The following CSMD1 variants were observed in gnomAD, a reference collection of about 807,000 sequenced individuals.
CSMD1 encodes CUB and Sushi multiple domains 1.
A neutral mutation model predicts 417.5 loss-of-function variants in CSMD1; 213 were observed. The observed-to-expected ratio is 0.51, with a 90% CI of 0.46 to 0.57. The LOEUF (loss-of-function observed/expected upper bound fraction) is 0.57, where lower values mean the gene tolerates loss of function less well. Ranked by LOEUF, CSMD1 falls within the 20% of genes least tolerant of loss-of-function variation. The pLI is 0.00. For synonymous variants in CSMD1, 2,862 were observed against 1,736.8 expected (o/e 1.65, Z -16.11); for missense variants, 6,923 against 4,529.7 (o/e 1.53, Z -15.17).
At chr8:3,233,685 C>T (rs79409820) in intron 26 of CSMD1, among the ~76,000 whole-genome samples, 8,147 of 151,918 alleles carry the variant, frequency 0.054, 372 homozygotes, top group South Asian at 0.22. Context: ...AGTCTGAATC[C>T]GATAAGAATT....
chr8:3,286,761 C>T (rs566558698), intron 25 of CSMD1, among the ~76,000 whole-genome samples: 1 of 152,150 alleles, frequency 6.6e-6, no homozygotes, highest in Non-Finnish European at 1.5e-5. Context: ...AATTTTCTCC[C>T]ATTCTGTAGG....
At chr8:3,965,730 G>A (rs564695922) in intron 5 of CSMD1, among the ~76,000 whole-genome samples, 5 of 152,210 alleles carry the variant, frequency 3.3e-5, no homozygotes, top group Non-Finnish European at 7.4e-5. Context: ...AGATTCTCCT[G>A]CCTCAGCCTC....
In CSMD1 at chr8:3,199,728, T is replaced by C. The variant is rs757145623; in HGVS notation, c.5180A>G (p.His1727Arg). Residue 1727 changes from histidine to arginine, a missense_variant, in exon 33 of 70, where the codon CAC becomes CGC. His to Arg is a conservative substitution (Grantham distance 29, BLOSUM62 0). Transcript: ENST00000635120. ...GTGACGCTTACCTTGATACACGAAGTGGAAGCCGCGGGCAGAGGCACCGCT... is the reference window on the plus strand; with the variant it reads ...GTGACGCTTACCTTGATACACGAAGCGGAAGCCGCGGGCAGAGGCACCGCT... ...AKSGASARGF[H>R]FVYQAVPRTS... The C allele has an allele frequency of 1.0e-5, 16 of 1,586,120 alleles. No homozygotes were observed. Among genetic ancestry groups the C allele is most frequent in the Admixed American group, 1.8e-5 (1 of 56,122 alleles).
chr8:4,972,607 G>A (rs922765858), intron 1 of CSMD1, among the ~76,000 whole-genome samples: 1 of 152,088 alleles, frequency 6.6e-6, no homozygotes, highest in Non-Finnish European at 1.5e-5. Flanking sequence ...ACCTCAGGCA[G>A]TTCTTTATAG....
At chr8:3,809,400 G>T (rs1464580844) in intron 5 of CSMD1, among the ~76,000 whole-genome samples, 2 of 152,172 alleles carry the variant, frequency 1.3e-5, no homozygotes, top group African/African-American at 2.4e-5. Context: ...GAGAATTAGG[G>T]ACTGTAAACC....
chr8:4,001,908 T>C (rs1262993416), intron 4 of CSMD1, among the ~76,000 whole-genome samples: 1 of 151,986 alleles, frequency 6.6e-6, no homozygotes, highest in Non-Finnish European at 1.5e-5. Context: ...AAAAAAAAAT[T>C]CCCAAACCTT....
chr8:4,481,971 T>A (rs1363304223), intron 2 of CSMD1, among the ~76,000 whole-genome samples: 1 of 152,156 alleles, frequency 6.6e-6, no homozygotes. Context: ...TCTTAGCTGC[T>A]ATATTATATA....
In CSMD1 at chr8:3,490,919, T is replaced by C. The variant is rs186182113; in HGVS notation, c.1448+2704A>G. Among the ~76,000 whole-genome samples, 12 of 152,328 alleles carry C rather than the reference T, an allele frequency of 7.9e-5. 1 individual carries two copies. Among genetic ancestry groups the C allele is most frequent in the Admixed American group, 7.2e-4 (11 of 15,296 alleles). ...TTTGTCAACAAAAAAGAGTCATTAT[T>C]TGGCAAGGGTGCAGAAAAATAGGAT... On this transcript the variant is annotated intron_variant, in intron 11 of 69. Transcript: ENST00000635120.
chr8:3,320,809 C>T (rs572540089), intron 23 of CSMD1, among the ~76,000 whole-genome samples: 4 of 152,182 alleles, frequency 2.6e-5, no homozygotes, highest in African/African-American at 4.8e-5. Flanking sequence ...CTAAGCCACC[C>T]GCCTGCAGAG....
intron 5 of CSMD1, among the ~76,000 whole-genome samples, chr8:3,847,953 A>G (rs1454312440): frequency 1.3e-5 from 2 of 151,948 alleles, no homozygotes; most frequent in African/African-American, 2.4e-5. Flanking sequence ...CAAAACAACC[A>G]ATGATTTTTA....
In CSMD1 at chr8:4,426,614, A is replaced by T. The variant is rs1008918047; in HGVS notation, c.303-6549T>A. On this transcript the variant is annotated intron_variant, in intron 2 of 69. Coordinates refer to ENST00000635120, the MANE Select transcript of CSMD1 (RefSeq NM_033225.6). ...GTATAGTATATATACTATAAATTAT[A>T]TTGTTTACTATATAATATAGTAATA... is the stretch of plus-strand genomic sequence containing the variant. Among the ~76,000 whole-genome samples, 11 of 65,298 alleles carry T rather than the reference A, an allele frequency of 1.7e-4. No homozygotes were observed. In the South Asian group the frequency reaches 5.3e-3, roughly 32 times the overall value. The allele number at this position is 65,298 out of a possible 152,430, so 42.8% of individuals were successfully genotyped here.
At chr8:4,467,191 C>A (rs367722168) in intron 2 of CSMD1, among the ~76,000 whole-genome samples, 1 of 150,468 alleles carries the variant, frequency 6.6e-6, no homozygotes, top group East Asian at 2.0e-4. Flanking sequence ...AAACAATGTT[C>A]AAAGTCCTTA....
chr8:3,567,905 T>A (rs1248289560), intron 10 of CSMD1, among the ~76,000 whole-genome samples: 1 of 152,078 alleles, frequency 6.6e-6, no homozygotes, highest in African/African-American at 2.4e-5. Context: ...CTTCCACACA[T>A]CATCACACAC....
chr8:4,932,375 T>G (rs1361466190), intron 1 of CSMD1, among the ~76,000 whole-genome samples: 2 of 151,628 alleles, frequency 1.3e-5, no homozygotes, highest in East Asian at 3.9e-4. Flanking sequence ...TTTCAGAAAC[T>G]AGAATATCTA....
intron 3 of CSMD1, among the ~76,000 whole-genome samples, chr8:4,276,464 G>A (rs1235770239): frequency 3.9e-5 from 6 of 152,136 alleles, no homozygotes. Flanking sequence ...TCACACACCA[G>A]GGCCTGTCAG....
At chr8:4,396,689 C>G (rs2164890) in intron 3 of CSMD1, among the ~76,000 whole-genome samples, 1 of 151,514 alleles carries the variant, frequency 6.6e-6, no homozygotes, top group Admixed American at 6.6e-5. Context: ...AATGGAATAC[C>G]GATCAGCCAT....
At chr8:4,007,010 G>T (rs555282523) in intron 4 of CSMD1, among the ~76,000 whole-genome samples, 3 of 151,538 alleles carry the variant, frequency 2.0e-5, no homozygotes, top group Non-Finnish European at 2.9e-5. Flanking sequence ...GTGTGTATGT[G>T]TGTATTTTTA....
chr8:4,864,810 A>C (rs889167568), intron 1 of CSMD1, among the ~76,000 whole-genome samples: 11 of 151,380 alleles, frequency 7.3e-5, no homozygotes, highest in Admixed American at 2.0e-4. Context: ...TATTCTCTGT[A>C]ATCTTTTCAT....
intron 37 of CSMD1, among the ~76,000 whole-genome samples, chr8:3,176,746 T>C (rs1820959947): frequency 6.6e-6 from 1 of 151,742 alleles, no homozygotes; most frequent in Non-Finnish European, 1.5e-5. Flanking sequence ...CCTGGTGACC[T>C]CATTTCCTTT....
Sources: gnomAD v4.1 joint callset for allele counts (sites outside exome capture counted in the v4.1 genomes callset) on GRCh38, gnomAD v4.1.1 for gene constraint, MANE v1.5 for transcripts, NCBI Gene and HGNC (gene_info 2026-07-23, HGNC 2026-07-21) for gene names.